Variants in WNK2 observed in about 807,000 individuals in gnomAD.
The protein encoded by WNK2 is WNK lysine deficient protein kinase 2, also known as serine/threonine-protein kinase WNK2.
A neutral mutation model predicts 192.1 loss-of-function variants in WNK2; 67 were observed. The ratio of observed to expected loss-of-function variants is 0.35; its 90% CI spans 0.29 to 0.43. The LOEUF (loss-of-function observed/expected upper bound fraction) is 0.43, where lower values mean the gene tolerates loss of function less well. Among genes scored for constraint, WNK2 ranks in the 20% least tolerant of loss-of-function variants. The pLI is 1.00. For synonymous variants in WNK2, 1,439 were observed against 1,393.9 expected, an observed-to-expected ratio of 1.03 and a Z score of -0.72; for missense variants, 2,698 against 3,089.7, an observed-to-expected ratio of 0.87 and a Z score of 3.01.
In WNK2 at chr9:93,292,772, C is replaced by T. The variant is rs529604433; in HGVS notation, c.5307C>T (p.Ala1769=). The T allele has an allele frequency of 3.2e-6, 5 of 1,560,752 alleles. No individual in the cohort carries two copies. The Admixed American group carries it at 5.7e-5, about 18-fold the overall frequency. Residue 1769 remains alanine (A), a synonymous_variant, in exon 23 of 30, where the codon GCC becomes GCT. Transcript: ENST00000427277. ...CCCCCCACAGCCTGAGATACTCTGCCCCACCCGACGTCTACCTGGACGAGG... is the reference window on the plus strand; with the variant it reads ...CCCCCCACAGCCTGAGATACTCTGCTCCACCCGACGTCTACCTGGACGAGG... ...LASPHSLRYS[A]PPDVYLDEAP... is the part of the protein sequence containing the mutation.
intron 2 of WNK2, among the ~76,000 whole-genome samples, chr9:93,194,206 G>C (rs905087527): frequency 6.6e-6 from 1 of 152,204 alleles, no homozygotes; most frequent in Non-Finnish European, 1.5e-5. Context: ...AGAAAATAAT[G>C]ATAAGCTGGA....
chr9:93,262,187 A>C, intron 13 of WNK2, 80 bp downstream of exon 13: 1 of 1,470,846 alleles, frequency 6.8e-7, no homozygotes, highest in Non-Finnish European at 9.0e-7. Context: ...CTGGGGTCTT[A>C]GTCCTAGAGG....
chr9:93,195,150 G>A (rs1487355709), intron 2 of WNK2, among the ~76,000 whole-genome samples: 1 of 152,030 alleles, frequency 6.6e-6, no homozygotes, highest in Non-Finnish European at 1.5e-5. Flanking sequence ...TTATACATTT[G>A]TCAAAACCCA....
intron 28 of WNK2, 24 bp downstream of exon 28, chr9:93,308,608 G>A (rs755750570): frequency 8.8e-6 from 5 of 570,370 alleles, no homozygotes; most frequent in Non-Finnish European, 1.7e-5. Context: ...GGGTGGGGCG[G>A]GTGCTCCTGG....
intron 23 of WNK2, 94 bp downstream of exon 23, chr9:93,293,267 T>C: frequency 8.0e-7 from 1 of 1,256,348 alleles, no homozygotes; most frequent in Non-Finnish European, 1.0e-6. Flanking sequence ...GCTGAAGTCC[T>C]GGCCAAGCAG....
intron 19 of WNK2, among the ~76,000 whole-genome samples, chr9:93,281,891 G>A (rs1009772104): frequency 3.3e-5 from 5 of 152,170 alleles, no homozygotes; most frequent in African/African-American, 1.2e-4. Flanking sequence ...CTCAAATATC[G>A]GTAAAAGGAT....
At position 93,230,949 on chromosome 9, in the gene WNK2, C is replaced by T; in HGVS notation, c.916C>T (p.Leu306=). Residue 306 remains leucine (L), a synonymous_variant, in exon 4 of 30, where the codon CTG becomes TTG. Transcript: ENST00000427277. ...TCTCCGCAGCTGGTGCCGGCAGATCCTGAAGGGCCTGCTGTTCCTGCACAC... is the reference window on the plus strand; with the variant it reads ...TCTCCGCAGCTGGTGCCGGCAGATCTTGAAGGGCCTGCTGTTCCTGCACAC... ...KVLRSWCRQI[L]KGLLFLHTRT... The T allele has an allele frequency of 6.2e-7, 1 of 1,613,964 alleles. No homozygotes were observed. Among genetic ancestry groups the T allele is most frequent in the Non-Finnish European group, 8.5e-7 (1 of 1,179,892 alleles).
intron 8 of WNK2, among the ~76,000 whole-genome samples, chr9:93,250,231 G>A (rs1474467952): frequency 6.6e-6 from 1 of 152,062 alleles, no homozygotes; most frequent in African/African-American, 2.4e-5. Flanking sequence ...TACCACACGT[G>A]AACACCTGCA....
rs1464966510 is a variant in WNK2 at position 93,229,617 on chromosome 9, G to A, written c.682-79G>A. On this transcript the variant is annotated intron_variant, in intron 2 of 29. Transcript: ENST00000427277. The surrounding 1 kb of genome is among the most constrained non-coding windows in gnomAD (Gnocchi z 4.9). ...TGGGAAGGGCTGGTCCTACTGTGTG[G>A]CGCTGCTGGGATGTGACGCCACCGT... 2.7e-6 allele frequency: 4 copies of A among 1,495,602 alleles called. No homozygotes were observed. The highest frequency in any genetic ancestry group is 3.6e-6 in the Non-Finnish European group (4 of 1,109,726). 92.6% of individuals were successfully genotyped at this position (1,495,602 alleles called of 1,614,324 possible). A position where few individuals can be genotyped will look rare whatever the true frequency, so the allele number is the denominator to read the frequency against.
chr9:93,193,808 ACTT>A (rs1468288180), intron 2 of WNK2, among the ~76,000 whole-genome samples: 2 of 152,210 alleles, frequency 1.3e-5, no homozygotes, highest in East Asian at 3.8e-4. Context: ...CTTGATTACG[ACTT>A]CTTATTTAAA....
At position 93,192,193 on chromosome 9, in the gene WNK2, A is replaced by G. The variant is rs1313040273; in HGVS notation, c.681+6583A>G. Among the ~76,000 whole-genome samples, 6 of 152,024 alleles carry G rather than the reference A, an allele frequency of 3.9e-5. No homozygotes were observed. The East Asian group carries it at 1.2e-3, about 29-fold the overall frequency. Reference sequence around the variant, plus strand: ...GCTGGGCGTGGTGGCAGGCACCTGTAGTCCCAGCTACTCGGGAGGCTGAGG... The same window carrying G: ...GCTGGGCGTGGTGGCAGGCACCTGTGGTCCCAGCTACTCGGGAGGCTGAGG... On this transcript the variant is annotated intron_variant, in intron 2 of 29. Transcript: ENST00000427277.
intron 2 of WNK2, among the ~76,000 whole-genome samples, chr9:93,187,205 G>T (rs554966643): frequency 2.0e-5 from 3 of 152,242 alleles, no homozygotes; most frequent in Admixed American, 6.5e-5. Flanking sequence ...CATCGCAGGC[G>T]CATGTGACTC....
chr9:93,269,198 C>T (rs1047542098), intron 19 of WNK2, among the ~76,000 whole-genome samples: 1 of 111,008 alleles, frequency 9.0e-6, no homozygotes, highest in African/African-American at 2.8e-5. Context: ...AGACATTTAT[C>T]ACTGTGCATT....
At chr9:93,224,733 A>G (rs548487366) in intron 2 of WNK2, among the ~76,000 whole-genome samples, 1 of 152,284 alleles carries the variant, frequency 6.6e-6, no homozygotes, top group Admixed American at 6.5e-5. Flanking sequence ...ACTTGGTAGG[A>G]GGAAGATTGG....
chr9:93,320,272 G>A (rs377515426), intron 29 of WNK2, 95 bp from the exon 30 acceptor site: 23 of 1,325,390 alleles, frequency 1.7e-5, no homozygotes, highest in East Asian at 1.4e-4. Context: ...CAGCCTTCCC[G>A]TCGGCAGCTC....
At chr9:93,208,508 C>T (rs903526028) in intron 2 of WNK2, among the ~76,000 whole-genome samples, 108 of 150,436 alleles carry the variant, frequency 7.2e-4, no homozygotes, top group African/African-American at 2.5e-3. Context: ...GTGTTCTCCA[C>T]GTGTACATGT....
chr9:93,188,306 C>T (rs1172701445), intron 2 of WNK2, among the ~76,000 whole-genome samples: 7 of 152,170 alleles, frequency 4.6e-5, no homozygotes, highest in Non-Finnish European at 1.0e-4. Flanking sequence ...GGGTTCCCTG[C>T]CAGACGGGAG....
At chr9:93,304,178 G>A (rs1852086869) in intron 26 of WNK2, among the ~76,000 whole-genome samples, 1 of 152,270 alleles carries the variant, frequency 6.6e-6, no homozygotes, top group Non-Finnish European at 1.5e-5. Context: ...CTTGGCCACA[G>A]GCTGAGGGTC....
At chr9:93,276,206 G>A (rs982977766) in intron 19 of WNK2, among the ~76,000 whole-genome samples, 11 of 152,188 alleles carry the variant, frequency 7.2e-5, no homozygotes, top group African/African-American at 2.7e-4. Context: ...TTACTATAAA[G>A]TTACAGTAAT....
Sources: allele counts gnomAD v4.1 joint callset (sites outside exome capture counted in the v4.1 genomes callset), GRCh38; gene constraint gnomAD v4.1.1; non-coding constraint Gnocchi (gnomAD v3.1); transcripts MANE v1.5; gene names NCBI Gene and HGNC (gene_info 2026-07-23, HGNC 2026-07-21).